NAV3: variants seen among roughly 807,000 people sequenced by gnomAD.
The protein encoded by NAV3 is pore membrane and/or filament interacting like protein 1.
A neutral mutation model predicts 244.7 loss-of-function variants in NAV3; 87 were observed. That is an observed-to-expected ratio of 0.36 (90% confidence interval 0.30 to 0.42). NAV3 has a LOEUF of 0.42. Among genes scored for constraint, NAV3 ranks in the 20% least tolerant of loss-of-function variants. The pLI is 1.00. For synonymous variants in NAV3, 1,126 were observed against 1,042.2 expected (o/e 1.08, Z -1.55); for missense variants, 2,663 against 2,893.3 (o/e 0.92, Z 1.83).
intron 2 of NAV3, among the ~76,000 whole-genome samples, chr12:77,602,520 A>G (rs778711008): frequency 2.0e-5 from 3 of 152,030 alleles, no homozygotes; most frequent in Non-Finnish European, 4.4e-5. Flanking sequence ...GCTATGTCCA[A>G]TGAACTAAAG....
intron 1 of NAV3, among the ~76,000 whole-genome samples, chr12:77,875,071 GC>G (rs1339825223): frequency 1.1e-4 from 16 of 152,036 alleles, no homozygotes; most frequent in African/African-American, 3.9e-4. Flanking sequence ...ATGAGTAGAA[GC>G]CAAATGGAGG....
Position 78,081,483 on chromosome 12 carries a change from G to A in NAV3, c.2636+22368G>A, listed in dbSNP as rs548000679. Reference sequence around the variant, plus strand: ...GAGATGAGTCGGGGAGGTGTGCTGTGCTGTGGATGCTCCTCCGAGCTTGAG... The same window carrying A: ...GAGATGAGTCGGGGAGGTGTGCTGTACTGTGGATGCTCCTCCGAGCTTGAG... On this transcript the variant is annotated intron_variant, in intron 12 of 39. Transcript: ENST00000397909. Among the ~76,000 whole-genome samples, 22 of 152,310 alleles carry A rather than the reference G, an allele frequency of 1.4e-4. No homozygotes were observed. In the East Asian group the frequency reaches 4.2e-3, roughly 29 times the overall value.
chr12:77,675,251 A>C (rs903916230), intron 2 of NAV3, among the ~76,000 whole-genome samples: 1 of 152,188 alleles, frequency 6.6e-6, no homozygotes, highest in Admixed American at 6.5e-5. Flanking sequence ...AACTGTTAGG[A>C]GATATATATT....
intron 1 of NAV3, among the ~76,000 whole-genome samples, chr12:77,841,677 A>C (rs1450553249): frequency 2.6e-5 from 4 of 152,184 alleles, no homozygotes; most frequent in Non-Finnish European, 4.4e-5. Flanking sequence ...AATGGCAGAG[A>C]TGAGTAGTCA....
chr12:78,107,069 T>C (rs1159734859), intron 12 of NAV3, among the ~76,000 whole-genome samples: 1 of 152,196 alleles, frequency 6.6e-6, no homozygotes, highest in Non-Finnish European at 1.5e-5. Context: ...TTTTCCCATA[T>C]GAAAGCGAAT....
chr12:77,931,404 G>GCCCAA (rs11281877), intron 1 of NAV3, among the ~76,000 whole-genome samples: 1 of 151,390 alleles, frequency 6.6e-6, no homozygotes, highest in Non-Finnish European at 1.5e-5. Context: ...CTCATTTCTA[G>GCCCAA]GGTATTAATT....
At chr12:78,012,378 C>T (rs117514761) in intron 8 of NAV3, among the ~76,000 whole-genome samples, 21 of 152,032 alleles carry the variant, frequency 1.4e-4, no homozygotes, top group South Asian at 4.1e-4. Context: ...CTTCTAAAAG[C>T]GTAAATCATA....
chr12:77,987,517 T>C (rs571550315), intron 5 of NAV3, among the ~76,000 whole-genome samples: 68 of 152,286 alleles, frequency 4.5e-4, no homozygotes, highest in African/African-American at 1.6e-3. Flanking sequence ...TTCTGATAAT[T>C]CTATTCTTGG....
intron 12 of NAV3, among the ~76,000 whole-genome samples, chr12:78,095,351 GA>G (rs1415145049): frequency 1.3e-5 from 2 of 151,896 alleles, no homozygotes; most frequent in African/African-American, 2.4e-5. Context: ...GCAAGAGAGA[GA>G]AAAAGAGAAA....
chr12:77,573,713 T>A (rs1049477002), intron 2 of NAV3, among the ~76,000 whole-genome samples: 5 of 152,104 alleles, frequency 3.3e-5, no homozygotes, highest in African/African-American at 1.2e-4. Flanking sequence ...TGATGGTAAT[T>A]TGGGTACTAT....
chr12:77,768,379 C>T (rs953109625), intron 2 of NAV3, among the ~76,000 whole-genome samples: 1 of 152,196 alleles, frequency 6.6e-6, no homozygotes, highest in African/African-American at 2.4e-5. Context: ...ACATGTCATC[C>T]AGGGTGCCCA....
chr12:77,960,231 T>C (rs1229677163), intron 3 of NAV3, among the ~76,000 whole-genome samples: 2 of 151,872 alleles, frequency 1.3e-5, no homozygotes, highest in African/African-American at 2.4e-5. Flanking sequence ...TTAATTTGAC[T>C]ACTAATATTA....
intron 12 of NAV3, among the ~76,000 whole-genome samples, chr12:78,093,926 A>G (rs1342620747): frequency 6.6e-6 from 1 of 151,962 alleles, no homozygotes; most frequent in African/African-American, 2.4e-5. Flanking sequence ...TGCAGCCTCA[A>G]ACACTTGGGC....
At chr12:77,651,714 A>C (rs1377265041) in intron 2 of NAV3, among the ~76,000 whole-genome samples, 1 of 152,228 alleles carries the variant, frequency 6.6e-6, no homozygotes, top group Admixed American at 6.5e-5. Flanking sequence ...TGTATACAAC[A>C]GAGTAAAATG....
chr12:78,142,097 A>T (rs1956640133), intron 20 of NAV3, among the ~76,000 whole-genome samples: 1 of 152,112 alleles, frequency 6.6e-6, no homozygotes, highest in Non-Finnish European at 1.5e-5. Context: ...AATAGCTAGA[A>T]AAGAAGATTT....
At chr12:78,129,050 T>C (rs538808062) in intron 18 of NAV3, among the ~76,000 whole-genome samples, 184 bp downstream of exon 18, 2 of 152,302 alleles carry the variant, frequency 1.3e-5, no homozygotes, top group South Asian at 4.1e-4. Flanking sequence ...CATTATGCTA[T>C]TTATTGCTCA....
At chr12:78,058,572 A>G (rs1358672071) in intron 11 of NAV3, among the ~76,000 whole-genome samples, 1 of 152,176 alleles carries the variant, frequency 6.6e-6, no homozygotes, top group Non-Finnish European at 1.5e-5. Flanking sequence ...GAATTCTAGG[A>G]AGATGGCAGA....
rs1481558742 is a variant in NAV3, at chr12:78,137,378, G to A, written c.4630+13G>A. On this transcript the variant is annotated intron_variant, in intron 19 of 39. Transcript: ENST00000397909. ...AGCATGGAAGAAGGTAAGCGTTGAG[G>A]GGGATTAAAGATGAAGTCACTTTAT... 2.5e-6 allele frequency: 4 copies of A among 1,590,320 alleles called. No individual in the cohort carries two copies. In the African/African-American group the frequency reaches 4.1e-5, roughly 16 times the overall value.
chr12:77,797,087 A>C (rs549430080), intron 2 of NAV3, among the ~76,000 whole-genome samples: 2 of 152,270 alleles, frequency 1.3e-5, no homozygotes, highest in South Asian at 4.1e-4. Flanking sequence ...CTTTCATGCT[A>C]TTTGTGAGAA....
Sources: gnomAD v4.1 joint callset for allele counts (sites outside exome capture counted in the v4.1 genomes callset) on GRCh38, gnomAD v4.1.1 for gene constraint, MANE v1.5 for transcripts, NCBI Gene and HGNC (gene_info 2026-07-23, HGNC 2026-07-21) for gene names.